Variants in MEF2D observed in about 807,000 individuals in gnomAD.
The protein encoded by MEF2D is myocyte-specific enhancer factor 2D.
MEF2D carries 10 observed loss-of-function variants against 59.3 expected under a neutral mutation model. That is an observed-to-expected ratio of 0.17 (90% CI 0.10 to 0.29). The LOEUF is 0.29. Ranked by LOEUF, MEF2D falls within the 10% of genes least tolerant of loss-of-function variation. The pLI is 1.00. For synonymous variants in MEF2D, 305 were observed against 295.0 expected (o/e 1.03, Z -0.35); for missense variants, 508 against 699.4 (o/e 0.73, Z 3.09).
intron 9 of MEF2D, 22 bp downstream of exon 9, chr1:156,475,086 C>T (rs1671480226): frequency 6.2e-7 from 1 of 1,613,984 alleles, no homozygotes; most frequent in Non-Finnish European, 8.5e-7. Context: ...TGCACACATG[C>T]ACATGTCACA....
chr1:156,479,838 C>G (rs1217077123), intron 4 of MEF2D, 42 bp from the exon 5 acceptor site: 1 of 1,538,850 alleles, frequency 6.5e-7, no homozygotes, highest in Non-Finnish European at 8.8e-7. Context: ...CCAGGTTGAC[C>G]CCTTCCATGG....
At chr1:156,488,218 GGGAGAAGCAAAGATGGGCA>G (rs1672499465) in intron 1 of MEF2D, among the ~76,000 whole-genome samples, 1 of 152,242 alleles carries the variant, frequency 6.6e-6, no homozygotes, top group Non-Finnish European at 1.5e-5. Context: ...TGGTGGACAT[GGGAGAAGCAAAGATGGGCA>G]GGACATTTGG....
intron 1 of MEF2D, among the ~76,000 whole-genome samples, chr1:156,492,673 G>A (rs562368751): frequency 6.6e-6 from 1 of 152,198 alleles, no homozygotes; most frequent in Non-Finnish European, 1.5e-5. Context: ...AATGGACAGG[G>A]GCCCTTGGCT....
Position 156,483,324 on chromosome 1 carries a change from G to T in MEF2D, c.-32C>A. 2 of 1,609,266 alleles carry T rather than the reference G, an allele frequency of 1.2e-6. No individual in the cohort carries two copies. Among genetic ancestry groups the T allele is most frequent in the Non-Finnish European group, 8.5e-7 (1 of 1,175,580 alleles). On this transcript the variant is annotated 5_prime_UTR_variant, in exon 2 of 12. Coordinates refer to ENST00000348159, the MANE Select transcript of MEF2D (RefSeq NM_005920.4). The stretch of plus-strand genomic sequence containing the variant: ...CGGGGGTCCTCAGTGCTACGGAGGG[G>T]AGGGGCTCGCTGGGTGGTGGGTCTC...
At chr1:156,486,460 T>C (rs1295147441) in intron 1 of MEF2D, among the ~76,000 whole-genome samples, 5 of 152,324 alleles carry the variant, frequency 3.3e-5, no homozygotes, top group African/African-American at 1.2e-4. Flanking sequence ...ATCTAGACTG[T>C]TAAATGCAGG....
chr1:156,492,302 A>T (rs1257832725), intron 1 of MEF2D, among the ~76,000 whole-genome samples: 1 of 152,182 alleles, frequency 6.6e-6, no homozygotes, highest in Non-Finnish European at 1.5e-5. Flanking sequence ...CAGATATAAG[A>T]CTACAGAAAG....
chr1:156,489,241 C>T (rs1172686758), intron 1 of MEF2D, among the ~76,000 whole-genome samples: 1 of 152,176 alleles, frequency 6.6e-6, no homozygotes, highest in African/African-American at 2.4e-5. Context: ...ATCCCTCCTC[C>T]CGCCCCTTCC....
In MEF2D at chr1:156,468,854, T is replaced by A. The variant is rs541679321; in HGVS notation, c.1173A>T (p.Pro391=). 1 of 1,613,840 alleles carries A rather than the reference T, an allele frequency of 6.2e-7. No homozygotes were observed. The highest frequency in any genetic ancestry group is 1.1e-5 in the South Asian group (1 of 91,034). Residue 391 remains proline, a synonymous_variant, in exon 10 of 12, where the codon CCA becomes CCT. Transcript: ENST00000348159. This position sits in a 1 kb window ranked among gnomAD's most constrained non-coding sequence, Gnocchi z 4.3. ...GCTGTTGCGGCTGCTGAGGCTGCTGTGGCTGTGGCTGCTGTGGCTGCGGTG... is the reference window on the plus strand; with the variant it reads ...GCTGTTGCGGCTGCTGAGGCTGCTGAGGCTGTGGCTGCTGTGGCTGCGGTG... ...QQPPQPQQPQ[P]QQPQQPQQPP...
Position 156,464,416 on chromosome 1 carries a change from G to A in MEF2D, c.*3229C>T, listed in dbSNP as rs557930375. 4 of 149,890 alleles carry A rather than the reference G, an allele frequency of 2.7e-5. No homozygotes were observed. In the South Asian group the frequency reaches 8.7e-4, roughly 33 times the overall value. 9.3% of individuals were successfully genotyped at this position (149,890 alleles called of 1,614,324 possible). A position where few individuals can be genotyped will look rare whatever the true frequency, so the allele number is the denominator to read the frequency against. On this transcript the variant is annotated 3_prime_UTR_variant, in exon 12 of 12. Transcript: ENST00000348159. Reference sequence around the variant, plus strand: ...CTTGCTGCACTGAGTGTGCTGTTGAGGGGGGGAGAATGGTGTGTTCCACTG... The same window carrying A: ...CTTGCTGCACTGAGTGTGCTGTTGAAGGGGGGAGAATGGTGTGTTCCACTG...
At chr1:156,469,068 C>G in intron 9 of MEF2D, 48 bp from the exon 10 acceptor site, 1 of 1,553,934 alleles carries the variant, frequency 6.4e-7, no homozygotes, top group South Asian at 1.2e-5. Flanking sequence ...GGAGAGCACA[C>G]AGGCTCCTAT....
chr1:156,492,883 G>C (rs1672895554), intron 1 of MEF2D, among the ~76,000 whole-genome samples: 1 of 152,222 alleles, frequency 6.6e-6, no homozygotes, highest in African/African-American at 2.4e-5. Flanking sequence ...GCCTGCCATT[G>C]CAGCGGGTGG....
chr1:156,497,581 C>T (rs1673203270), intron 1 of MEF2D, among the ~76,000 whole-genome samples: 1 of 152,204 alleles, frequency 6.6e-6, no homozygotes, highest in African/African-American at 2.4e-5. Flanking sequence ...TAAGTCAAGG[C>T]CCTCAACTCC....
chr1:156,479,120 T>C (rs1237519394), intron 6 of MEF2D, among the ~76,000 whole-genome samples, 170 bp downstream of exon 6: 1 of 152,204 alleles, frequency 6.6e-6, no homozygotes, highest in Non-Finnish European at 1.5e-5. Flanking sequence ...CAATCATTGC[T>C]ACAGAAAACA....
At chr1:156,471,084 C>G (rs1185907352) in intron 9 of MEF2D, among the ~76,000 whole-genome samples, 1 of 152,160 alleles carries the variant, frequency 6.6e-6, no homozygotes, top group Non-Finnish European at 1.5e-5. Flanking sequence ...GAGACAGAGT[C>G]TCGCTCTGTT....
In MEF2D at chr1:156,480,225, C is replaced by A. The variant is rs112402560; in HGVS notation, c.397-429G>T. Among the ~76,000 whole-genome samples, 767 of 152,206 alleles carry A rather than the reference C, an allele frequency of 5.0e-3. 6 individuals carry two copies. The highest frequency in any genetic ancestry group is 0.018 in the African/African-American group (746 of 41,516). On this transcript the variant is annotated intron_variant, in intron 4 of 11. Transcript: ENST00000348159. Reference sequence around the variant, plus strand: ...TCACTTGCAGTCTCCACCCATCTGGCCTGCTGCAGAGAGAGCTCACCCCCA... The same window carrying A: ...TCACTTGCAGTCTCCACCCATCTGGACTGCTGCAGAGAGAGCTCACCCCCA...
intron 1 of MEF2D, among the ~76,000 whole-genome samples, chr1:156,490,050 G>A (rs932839767): frequency 2.0e-5 from 3 of 152,182 alleles, no homozygotes; most frequent in African/African-American, 7.2e-5. Context: ...GATGGTCCAG[G>A]ATCATTCTGT....
chr1:156,488,769 C>A (rs1056090663), intron 1 of MEF2D, among the ~76,000 whole-genome samples: 1 of 152,136 alleles, frequency 6.6e-6, no homozygotes, highest in African/African-American at 2.4e-5. Context: ...TGGCCTGGGG[C>A]CAGTGGGGAG....
At chr1:156,475,386 C>A (rs1671504125) in intron 8 of MEF2D, 149 bp from the exon 9 acceptor site, 1 of 876,292 alleles carries the variant, frequency 1.1e-6, no homozygotes, top group Non-Finnish European at 1.7e-6. Context: ...TACAAACACA[C>A]GTTGGTGCAT....
intron 9 of MEF2D, among the ~76,000 whole-genome samples, chr1:156,471,763 C>T (rs1213791819): frequency 6.6e-6 from 1 of 152,248 alleles, no homozygotes; most frequent in Non-Finnish European, 1.5e-5. Context: ...GGACTGTAAA[C>T]AGTGAACAAC....
Sources: allele counts gnomAD v4.1 joint callset (sites outside exome capture counted in the v4.1 genomes callset), GRCh38; gene constraint gnomAD v4.1.1; non-coding constraint Gnocchi (gnomAD v3.1); transcripts MANE v1.5; gene names NCBI Gene and HGNC (gene_info 2026-07-23, HGNC 2026-07-21).